MYH14: variants seen among roughly 807,000 people sequenced by gnomAD.
MYH14 encodes myosin heavy chain 14, also known as myosin-14.
Under a neutral mutation model 255.5 loss-of-function variants are expected in MYH14, and 123 were observed. The ratio of observed to expected loss-of-function variants is 0.48; its 90% CI spans 0.42 to 0.56. The LOEUF (loss-of-function observed/expected upper bound fraction) is 0.56, where lower values mean the gene tolerates loss of function less well. MYH14 is among the 20% of genes least tolerant of loss of function. MYH14 has a pLI of 0.00. For missense variants in MYH14, 2,423 were observed against 2,802.3 expected, an observed-to-expected ratio of 0.86 and a Z score of 3.06; for synonymous variants, 1,095 against 1,161.2, an observed-to-expected ratio of 0.94 and a Z score of 1.16.
At chr19:50,220,524 T>C (rs2032765550) in intron 3 of MYH14, among the ~76,000 whole-genome samples, 1 of 151,496 alleles carries the variant, frequency 6.6e-6, no homozygotes, top group South Asian at 2.1e-4. Flanking sequence ...AATTAAATGG[T>C]ATATTAAATA....
chr19:50,243,222 G>C (rs891832452), intron 10 of MYH14, among the ~76,000 whole-genome samples: 1 of 152,122 alleles, frequency 6.6e-6, no homozygotes, highest in East Asian at 1.9e-4. Context: ...GATCATCTGA[G>C]GTCAGGAATT....
chr19:50,301,352 A>G (rs1341158478), intron 39 of MYH14, among the ~76,000 whole-genome samples: 1 of 152,138 alleles, frequency 6.6e-6, no homozygotes, highest in Non-Finnish European at 1.5e-5. Context: ...CTTAGAATGG[A>G]CTCATTCACA....
At chr19:50,301,417 A>C (rs1192969045) in intron 39 of MYH14, among the ~76,000 whole-genome samples, 1 of 152,250 alleles carries the variant, frequency 6.6e-6, no homozygotes, top group African/African-American at 2.4e-5. Context: ...TCGTGGACTT[A>C]TTAAAGTAAG....
At position 50,289,562 on chromosome 19, in the gene MYH14, G is replaced by A; in HGVS notation, c.4879G>A (p.Val1627Met). ...TGCCAAGCTGCGTCTGGAGGTGACT[G>A]TGCAGGCTCTCAAGACTCAGCATGA... ...EDAKLRLEVTVQALKTQHERD... is the reference protein window; with the variant it reads ...EDAKLRLEVTMQALKTQHERD... Residue 1627 changes from valine to methionine, a missense_variant, in exon 35 of 43, where the codon GTG (valine) becomes ATG (methionine). Around this residue, in one of 3 missense-constraint regions of MYH14, gnomAD observed 1,513 missense variants for 1,674.8 expected, o/e 0.90. Transcript: ENST00000642316. 6.2e-7 allele frequency: 1 copy of A among 1,613,022 alleles called. No homozygotes were observed. Among genetic ancestry groups the A allele is most frequent in the East Asian group, 2.2e-5 (1 of 44,872 alleles).
At position 50,268,178 on chromosome 19, in the gene MYH14, C is replaced by G; in HGVS notation, c.2844C>G (p.Ala948=). Residue 948 remains alanine (A), a synonymous_variant, in exon 24 of 43, where the codon GCC becomes GCG. Transcript: ENST00000642316. The part of the protein sequence containing the change: ...GRVAQLEEER[A]RLAEQLRAEA... ...CTCCCCAGCTGGAAGAGGAGCGCGCCCGCCTGGCAGAGCAATTGCGAGCAG... is the reference window on the plus strand; with the variant it reads ...CTCCCCAGCTGGAAGAGGAGCGCGCGCGCCTGGCAGAGCAATTGCGAGCAG... 6.5e-7 allele frequency: 1 copy of G among 1,548,470 alleles called. No individual in the cohort carries two copies.
intron 14 of MYH14, 65 bp downstream of exon 14, chr19:50,249,888 G>C: frequency 1.3e-6 from 2 of 1,589,018 alleles, no homozygotes; most frequent in Non-Finnish European, 1.7e-6. Flanking sequence ...GCATCTGCGA[G>C]ACCAGGGTCT....
intron 3 of MYH14, among the ~76,000 whole-genome samples, chr19:50,219,228 T>C (rs62112644): frequency 0.24 from 35,919 of 150,472 alleles, 4,981 homozygotes; most frequent in South Asian, 0.38. Context: ...CAATTGTGAA[T>C]TGTGCTGCTA....
rs1295820332 is a variant in MYH14 at position 50,266,137 on chromosome 19, C to G, written c.2695-740C>G. ...GAACAGAAATTATCAGAGCAGATCT[C>G]ACTTAGCAAGGGCGACGAGGTTTTG... is the stretch of plus-strand genomic sequence containing the variant. On this transcript the variant is annotated intron_variant, in intron 22 of 42. Transcript: ENST00000642316. The surrounding 1 kb of genome is among the most constrained non-coding windows in gnomAD (Gnocchi z 4.1). Among the ~76,000 whole-genome samples, 1 of 152,216 alleles carries G rather than the reference C, an allele frequency of 6.6e-6. No individual in the cohort carries two copies. The highest frequency in any genetic ancestry group is 1.5e-5 in the Non-Finnish European group (1 of 68,044).
Position 50,310,170 on chromosome 19 carries a change from CTT to C in MYH14, c.*381_*382del. The C allele has an allele frequency of 3.7e-6, 1 of 271,922 alleles. No individual in the cohort carries two copies. The allele number at this position is 271,922 out of a possible 1,614,324, so 16.8% of individuals were successfully genotyped here. ...CAGCCAGTGCAACCCATTCCCTCTG[CTT>C]CTCTCTCTCTCTCTCTCTCTCCCTC... On this transcript the variant is annotated 3_prime_UTR_variant, in exon 43 of 43. Transcript: ENST00000642316.
intron 7 of MYH14, 66 bp from the exon 8 acceptor site, chr19:50,226,837 T>C: frequency 6.7e-7 from 1 of 1,503,098 alleles, no homozygotes; most frequent in Non-Finnish European, 9.3e-7. Context: ...GGGTTTGGGC[T>C]GTTGTTCACG....
intron 5 of MYH14, among the ~76,000 whole-genome samples, chr19:50,223,655 G>A (rs953866649): frequency 2.6e-5 from 4 of 152,166 alleles, no homozygotes; most frequent in African/African-American, 7.2e-5. Flanking sequence ...TGGGTTTGTC[G>A]TCTAAGTGAA....
At position 50,280,892 on chromosome 19, in the gene MYH14, C is replaced by A. The variant is rs1330464767; in HGVS notation, c.4290+509C>A. On this transcript the variant is annotated intron_variant, in intron 32 of 42. Coordinates refer to ENST00000642316, the MANE Select transcript of MYH14 (RefSeq NM_001145809.2). The surrounding 1 kb of genome is among the most constrained non-coding windows in gnomAD (Gnocchi z 4.8). The stretch of plus-strand genomic sequence containing the variant: ...ACTTTCCTATTTTATTTGAAAAAAA[C>A]CTTTTATTTTTCCAGACTTAGCATT... Among the ~76,000 whole-genome samples the A allele has an allele frequency of 2.6e-5, 4 of 152,170 alleles. No homozygotes were observed. Among genetic ancestry groups the A allele is most frequent in the Admixed American group, 6.5e-5 (1 of 15,268 alleles).
At chr19:50,215,930 T>A (rs761130493) in intron 2 of MYH14, among the ~76,000 whole-genome samples, 3 of 152,152 alleles carry the variant, frequency 2.0e-5, no homozygotes, top group Non-Finnish European at 4.4e-5. Context: ...AGAAAACACA[T>A]CTGAATTTGA....
rs2033069887 is a variant in MYH14, at chr19:50,225,843, G to A, written c.810+166G>A. Among the ~76,000 whole-genome samples, 3 of 141,414 alleles carry A rather than the reference G, an allele frequency of 2.1e-5. No individual in the cohort carries two copies. In the East Asian group the frequency reaches 6.6e-4, roughly 31 times the overall value. 92.8% of individuals were successfully genotyped at this position (141,414 alleles called of 152,430 possible). A position where few individuals can be genotyped will look rare whatever the true frequency, so the allele number is the denominator to read the frequency against. ...AGGGGCTGGGGGCCTGGACCCCTGG[G>A]TCTGAGGGAGGAGGGGCTGGGGGCC... On this transcript the variant is annotated intron_variant, in intron 7 of 42. Transcript: ENST00000642316.
At chr19:50,281,307 C>T (rs1486076756) in intron 32 of MYH14, among the ~76,000 whole-genome samples, 1 of 152,216 alleles carries the variant, frequency 6.6e-6, no homozygotes, top group South Asian at 2.1e-4. Flanking sequence ...ACCCCTATCA[C>T]CCTGGCTGTG....
At chr19:50,222,030 C>G (rs886562746) in intron 3 of MYH14, among the ~76,000 whole-genome samples, 9 of 152,238 alleles carry the variant, frequency 5.9e-5, no homozygotes, top group Admixed American at 3.9e-4. Context: ...TCGTGGGAGG[C>G]TGTCCTGGTC....
intron 24 of MYH14, among the ~76,000 whole-genome samples, chr19:50,269,710 C>T (rs1600989286): frequency 2.0e-5 from 3 of 152,216 alleles, no homozygotes; most frequent in East Asian, 1.9e-4. Flanking sequence ...CCCTGGGTGC[C>T]GTGGGAAAAT....
At chr19:50,222,264 A>G (rs1434333065) in intron 3 of MYH14, among the ~76,000 whole-genome samples, 1 of 151,972 alleles carries the variant, frequency 6.6e-6, no homozygotes, top group Non-Finnish European at 1.5e-5. Context: ...GTGGATCACG[A>G]GGTCAGGAGA....
rs770366755 is a variant in MYH14, at chr19:50,272,691, C to T, written c.3427C>T (p.Leu1143=). The change falls in exon 27 of 43, where the codon CTG becomes TTG. Residue 1143 remains leucine (L), a synonymous_variant. Coordinates refer to ENST00000642316, the MANE Select transcript of MYH14 (RefSeq NM_001145809.2). Reference sequence around the variant, plus strand: ...GCGGGCAGAGGAGCTGCGGGCCCAGCTGGGCCGGAAGGAGGAGGAGCTGCA... The same window carrying T: ...GCGGGCAGAGGAGCTGCGGGCCCAGTTGGGCCGGAAGGAGGAGGAGCTGCA... ...QQRAEELRAQ[L]GRKEEELQAA... The T allele has an allele frequency of 3.2e-5, 49 of 1,552,430 alleles. No individual in the cohort carries two copies. The East Asian group carries it at 1.1e-3, about 34-fold the overall frequency.
Sources: allele counts gnomAD v4.1 joint callset (sites outside exome capture counted in the v4.1 genomes callset), GRCh38; gene constraint gnomAD v4.1.1; regional missense constraint gnomAD v4.1.1; non-coding constraint Gnocchi (gnomAD v3.1); transcripts MANE v1.5; gene names NCBI Gene and HGNC (gene_info 2026-07-23, HGNC 2026-07-21).